Variants in DPP6 observed in about 807,000 individuals in gnomAD.
The protein encoded by DPP6 is dipeptidyl peptidase like 6, also known as A-type potassium channel modulatory protein DPP6.
A neutral mutation model predicts 122.6 loss-of-function variants in DPP6; 69 were observed. The ratio of observed to expected loss-of-function variants is 0.56; its 90% confidence interval spans 0.46 to 0.69. DPP6 has a LOEUF of 0.69. DPP6 is among the 30% of genes least tolerant of loss of function. The pLI, the probability that DPP6 is intolerant of heterozygous loss-of-function variation, is 0.00. For missense variants in DPP6, 928 were observed against 1,116.9 expected (o/e 0.83, Z 2.41); for synonymous variants, 418 against 433.1 (o/e 0.97, Z 0.43).
At chr7:154,089,160 T>C (rs1435287891) in intron 1 of DPP6, among the ~76,000 whole-genome samples, 1 of 152,158 alleles carries the variant, frequency 6.6e-6, no homozygotes, top group Non-Finnish European at 1.5e-5. Context: ...ACAGCATAAC[T>C]TGGATTAACT....
rs958076942 is a variant in DPP6, at chr7:154,893,240, G to A, written c.*760G>A. On this transcript the variant is annotated 3_prime_UTR_variant, in exon 26 of 26. Coordinates refer to ENST00000377770, the MANE Select transcript of DPP6 (RefSeq NM_130797.4). Reference sequence around the variant, plus strand: ...TCGGAAGTAACTGCTCCCTCCTCAAGGTTGTCTTCAGACGTCTTGGGGACG... The same window carrying A: ...TCGGAAGTAACTGCTCCCTCCTCAAAGTTGTCTTCAGACGTCTTGGGGACG... The A allele has an allele frequency of 5.1e-5, 14 of 272,828 alleles. No individual in the cohort carries two copies. Among genetic ancestry groups the A allele is most frequent in the Admixed American group, 5.0e-4 (10 of 20,012 alleles). The allele number at this position is 272,828 out of a possible 1,614,324, so 16.9% of individuals were successfully genotyped here. A position where few individuals can be genotyped will look rare whatever the true frequency, so the allele number is the denominator to read the frequency against.
the DPP6 span, among the ~76,000 whole-genome samples, chr7:153,766,306 A>T: frequency 0.43 from 64,663 of 151,992 alleles, 14,104 homozygotes; most frequent in South Asian, 0.52. Flanking sequence ...CTATGTGGCC[A>T]TTAACAAGCT....
At chr7:154,094,913 G>A (rs1012164504) in intron 1 of DPP6, 7 of 152,190 alleles carry the variant, frequency 4.6e-5, no homozygotes, top group African/African-American at 1.4e-4. Context: ...AGAACTCCTC[G>A]CTCTTGCCTC....
At chr7:154,691,639 G>A (rs1027106588) in intron 7 of DPP6, among the ~76,000 whole-genome samples, 12 of 152,000 alleles carry the variant, frequency 7.9e-5, no homozygotes, top group Admixed American at 7.2e-4. Context: ...ATAACATGGT[G>A]AAACCCCGTC....
intron 8 of DPP6, among the ~76,000 whole-genome samples, chr7:154,744,612 G>A (rs1010866865): frequency 3.3e-5 from 5 of 152,220 alleles, no homozygotes; most frequent in African/African-American, 1.2e-4. Context: ...CTGGCTTGAT[G>A]TTCGCTGATT....
chr7:154,351,493 A>C (rs1810852878), intron 1 of DPP6, among the ~76,000 whole-genome samples: 1 of 151,516 alleles, frequency 6.6e-6, no homozygotes, highest in African/African-American at 2.4e-5. Flanking sequence ...GTGGCCTCCC[A>C]CTCTCCAGAC....
At chr7:154,074,631 A>G (rs1401579651) in intron 1 of DPP6, among the ~76,000 whole-genome samples, 1 of 152,222 alleles carries the variant, frequency 6.6e-6, no homozygotes, top group Non-Finnish European at 1.5e-5. Context: ...AAGAAAATAG[A>G]AAAAGAAAGG....
At chr7:154,008,742 A>G (rs1798027056) in intron 1 of DPP6, among the ~76,000 whole-genome samples, 1 of 148,962 alleles carries the variant, frequency 6.7e-6, no homozygotes, top group African/African-American at 2.5e-5. Flanking sequence ...GCTCACTGCA[A>G]GCTCCGCCTC....
intron 1 of DPP6, chr7:154,305,594 G>A (rs1284162628): frequency 1.9e-6 from 3 of 1,561,146 alleles, no homozygotes; most frequent in African/African-American, 2.7e-5. Flanking sequence ...GTGTGCGTGC[G>A]TGTGCATGCG....
At chr7:154,521,160 T>C (rs1271378778) in intron 3 of DPP6, among the ~76,000 whole-genome samples, 1 of 152,214 alleles carries the variant, frequency 6.6e-6, no homozygotes, top group African/African-American at 2.4e-5. Flanking sequence ...CTTTTGTTCG[T>C]TATCAGGAAA....
chr7:153,780,023 G>T, the DPP6 span, among the ~76,000 whole-genome samples: 11 of 151,568 alleles, frequency 7.3e-5, no homozygotes, highest in African/African-American at 2.7e-4. Context: ...TTATTTCAAA[G>T]AGTTAAAAAA....
intron 1 of DPP6, among the ~76,000 whole-genome samples, chr7:153,986,635 T>C (rs1255947378): frequency 6.6e-6 from 1 of 152,176 alleles, no homozygotes; most frequent in Admixed American, 6.5e-5. Flanking sequence ...TGCCACAACA[T>C]TGAATGCTGA....
At chr7:154,123,114 C>T (rs1033603016) in intron 1 of DPP6, among the ~76,000 whole-genome samples, 6 of 152,142 alleles carry the variant, frequency 3.9e-5, no homozygotes, top group Admixed American at 2.0e-4. Flanking sequence ...AATGAGGTCT[C>T]CAGGGAAACA....
At chr7:153,819,963 G>C in the DPP6 span, among the ~76,000 whole-genome samples, 1 of 152,064 alleles carries the variant, frequency 6.6e-6, no homozygotes, top group Non-Finnish European at 1.5e-5. Context: ...CAATCTTAAA[G>C]CTAGGAACAT....
At chr7:153,800,803 C>T in the DPP6 span, among the ~76,000 whole-genome samples, 1 of 152,068 alleles carries the variant, frequency 6.6e-6, no homozygotes, top group Admixed American at 6.5e-5. Context: ...AGGCATGAGC[C>T]ACAGCACCCA....
chr7:153,843,162 GCATA>G, the DPP6 span, among the ~76,000 whole-genome samples: 1 of 151,748 alleles, frequency 6.6e-6, no homozygotes, highest in East Asian at 1.9e-4. Context: ...GCACATATGT[GCATA>G]CACACACGAG....
chr7:154,449,910 A>G (rs1820210797), intron 2 of DPP6, among the ~76,000 whole-genome samples: 1 of 152,048 alleles, frequency 6.6e-6, no homozygotes, highest in South Asian at 2.1e-4. Context: ...TGGGAGGCTG[A>G]GGCAGGAGAA....
At chr7:154,046,737 A>C (rs1800034632) in intron 1 of DPP6, among the ~76,000 whole-genome samples, 1 of 152,142 alleles carries the variant, frequency 6.6e-6, no homozygotes, top group Non-Finnish European at 1.5e-5. Context: ...CTGGGGGCCA[A>C]CTTGCTGGGC....
intron 1 of DPP6, among the ~76,000 whole-genome samples, chr7:153,964,828 T>TTTCCTTTCCTTTCC (rs1477877461): frequency 6.5e-5 from 8 of 122,484 alleles, no homozygotes; most frequent in East Asian, 3.8e-4. Context: ...TTTCCTTTCC[T>TTTCCTTTCCTTTCC]TTTCCTTTTC....
Sources: gnomAD v4.1 joint callset for allele counts (sites outside exome capture counted in the v4.1 genomes callset) on GRCh38, gnomAD v4.1.1 for gene constraint, MANE v1.5 for transcripts, NCBI Gene and HGNC (gene_info 2026-07-23, HGNC 2026-07-21) for gene names.